The following SCN3A variants were observed in gnomAD, a reference collection of about 807,000 sequenced individuals.
SCN3A encodes the protein sodium voltage-gated channel alpha subunit 3.
SCN3A carries 60 observed loss-of-function variants against 187.6 expected under a neutral mutation model. The ratio of observed to expected loss-of-function variants is 0.32; its 90% CI spans 0.26 to 0.40. The LOEUF (loss-of-function observed/expected upper bound fraction) is 0.40, where lower values mean the gene tolerates loss of function less well. SCN3A is among the 10% of genes least tolerant of loss of function. The probability of loss-of-function intolerance (pLI) is 1.00; values close to 1 mark genes in which losing one functional copy is unlikely to be tolerated. For synonymous variants in SCN3A, 788 were observed against 829.2 expected (o/e 0.95, Z 0.85); for missense variants, 1,601 against 2,428.2 (o/e 0.66, Z 7.16).
rs1235846089 is a variant in SCN3A at position 165,089,716 on chromosome 2, C to T, written c.*434G>A. On this transcript the variant is annotated 3_prime_UTR_variant, in exon 28 of 28. Transcript: ENST00000283254. Reference sequence around the variant, plus strand: ...GTTTCTTCAACGTAAACCTCATTTACAAAAATAGTGACATAGCATTATGAA... The same window carrying T: ...GTTTCTTCAACGTAAACCTCATTTATAAAAATAGTGACATAGCATTATGAA... The T allele has an allele frequency of 6.2e-6, 1 of 162,338 alleles. No homozygotes were observed. The highest frequency in any genetic ancestry group is 2.4e-5 in the African/African-American group (1 of 41,454). The allele number at this position is 162,338 out of a possible 1,614,324, so 10.1% of individuals were successfully genotyped here.
Position 165,088,483 on chromosome 2 carries a change from T to TTGGTA in SCN3A, c.*1666_*1667insTACCA, listed in dbSNP as rs1684936642. 1 of 152,466 alleles carries TTGGTA rather than the reference T, an allele frequency of 6.6e-6. No individual in the cohort carries two copies. The highest frequency in any genetic ancestry group is 2.1e-4 in the South Asian group (1 of 4,822). The allele number at this position is 152,466 out of a possible 1,614,324, so 9.4% of individuals were successfully genotyped here. A position where few individuals can be genotyped will look rare whatever the true frequency, so the allele number is the denominator to read the frequency against. ...AACATCTATGAATAAAAGGTTATAT[T>TTGGTA]GAGGCAACCATAGTTGGTAGAAAAT... is the stretch of plus-strand genomic sequence containing the variant. On this transcript the variant is annotated 3_prime_UTR_variant, in exon 28 of 28. Coordinates refer to ENST00000283254, the MANE Select transcript of SCN3A (RefSeq NM_006922.4).
At chr2:165,146,537 A>G (rs528394598) in intron 12 of SCN3A, among the ~76,000 whole-genome samples, 1 of 150,138 alleles carries the variant, frequency 6.7e-6, no homozygotes, top group African/African-American at 2.4e-5. Flanking sequence ...AATCAGTCTC[A>G]AAATGGTGAA....
intron 1 of SCN3A, among the ~76,000 whole-genome samples, chr2:165,200,432 T>A (rs547586866): frequency 2.0e-5 from 3 of 152,178 alleles, no homozygotes; most frequent in Admixed American, 2.0e-4. Context: ...AAGTGTTAAT[T>A]TCTTGGTGAA....
chr2:165,106,864 G>C (rs1685887436), intron 21 of SCN3A, among the ~76,000 whole-genome samples: 1 of 152,200 alleles, frequency 6.6e-6, no homozygotes, highest in Non-Finnish European at 1.5e-5. Context: ...CTGGAGGCAG[G>C]AACATTTAGT....
intron 2 of SCN3A, among the ~76,000 whole-genome samples, chr2:165,180,802 G>C (rs143687096): frequency 1.3e-5 from 2 of 152,244 alleles, no homozygotes; most frequent in East Asian, 3.9e-4. Context: ...TGGAAAGATG[G>C]TGGCAGTATG....
intron 1 of SCN3A, 111 bp from the exon 2 acceptor site, chr2:165,186,858 C>G (rs939726080): frequency 2.0e-5 from 3 of 151,674 alleles, no homozygotes; most frequent in Non-Finnish European, 4.4e-5. Context: ...GGCCCTGGAT[C>G]GAGAAAGCAA....
At chr2:165,130,523 A>G in intron 16 of SCN3A, 1 of 550,106 alleles carries the variant, frequency 1.8e-6, no homozygotes, top group Non-Finnish European at 3.2e-6. Context: ...CATTTCAGAA[A>G]TAATAAATAA....
chr2:165,164,905 A>AT (rs1208055680), intron 5 of SCN3A, among the ~76,000 whole-genome samples: 2 of 152,124 alleles, frequency 1.3e-5, no homozygotes, highest in Non-Finnish European at 2.9e-5. Flanking sequence ...AAGTCAACGT[A>AT]TTTTTTATAC....
At chr2:165,160,735 C>A (rs62174943) in intron 9 of SCN3A, among the ~76,000 whole-genome samples, 1 of 151,686 alleles carries the variant, frequency 6.6e-6, no homozygotes, top group Non-Finnish European at 1.5e-5. Context: ...CCATCTTTCA[C>A]GTTTAAGAGA....
chr2:165,184,432 G>T, intron 2 of SCN3A, among the ~76,000 whole-genome samples: 1 of 146,114 alleles, frequency 6.8e-6, no homozygotes, highest in East Asian at 2.1e-4. Flanking sequence ...AAGCTTAGGT[G>T]CAGGTAGACT....
intron 14 of SCN3A, among the ~76,000 whole-genome samples, chr2:165,138,805 A>T (rs1250891904): frequency 6.6e-6 from 1 of 152,216 alleles, no homozygotes; most frequent in Admixed American, 6.6e-5. Context: ...TCTAAAGAAC[A>T]TATGTTAGAA....
At chr2:165,112,296 A>G (rs756612733) in intron 21 of SCN3A, among the ~76,000 whole-genome samples, 5 of 152,214 alleles carry the variant, frequency 3.3e-5, no homozygotes, top group Admixed American at 6.5e-5. Flanking sequence ...GATTCAGAAC[A>G]GACCTACACC....
chr2:165,090,464 G>A lies in SCN3A; in HGVS notation c.5689C>T (p.Arg1897Cys), dbSNP rs781506035. 2.9e-5 allele frequency: 47 copies of A among 1,613,834 alleles called. No homozygotes were observed. The highest frequency in any genetic ancestry group is 4.5e-5 in the East Asian group (2 of 44,890). Residue 1897 changes from arginine to cysteine, a missense_variant, in exon 28 of 28, where the codon CGT (arginine) becomes TGT (cysteine). Arg to Cys is a radical substitution (Grantham distance 180). Coordinates refer to ENST00000283254, the MANE Select transcript of SCN3A (RefSeq NM_006922.4). This position sits in a 1 kb window ranked among gnomAD's most constrained non-coding sequence, Gnocchi z 4.0. ...SYEPITTTLK[R>C]KQEEVSAAII... is the part of the protein sequence containing the mutation. ...GCGGCAGACACCTCCTCTTGTTTAC[G>A]TTTCAAAGTGGTTGTAATAGGCTCA...
intron 24 of SCN3A, 115 bp downstream of exon 24, chr2:165,096,352 A>G: frequency 1.3e-6 from 1 of 768,840 alleles, no homozygotes; most frequent in Middle Eastern, 3.7e-4. Context: ...TTCATTTTTT[A>G]TATGCAATAT....
intron 15 of SCN3A, among the ~76,000 whole-genome samples, chr2:165,135,294 C>G (rs899872625): frequency 6.6e-6 from 1 of 151,996 alleles, no homozygotes; most frequent in South Asian, 2.1e-4. Context: ...TTCAAGGTCT[C>G]TTGATACTCA....
Position 165,090,959 on chromosome 2 carries a change from G to C in SCN3A, c.5194C>G (p.His1732Asp). 2.5e-6 allele frequency: 4 copies of C among 1,614,134 alleles called. No homozygotes were observed. The highest frequency in any genetic ancestry group is 3.4e-6 in the Non-Finnish European group (4 of 1,180,016). The change falls in exon 28 of 28, where the codon CAC (histidine) becomes GAC (aspartate). Residue 1732 changes from histidine to aspartate, a missense_variant. By Grantham distance (81) the His-to-Asp change is moderately conservative. This residue lies in a region of SCN3A where 320 missense variants were observed against 623.2 expected (regional missense o/e 0.51). Coordinates refer to ENST00000283254, the MANE Select transcript of SCN3A (RefSeq NM_006922.4). The surrounding 1 kb of genome is among the most constrained non-coding windows in gnomAD (Gnocchi z 4.0). ...APPDCDPDTI[H>D]PGSSVKGDCG... ...TCTCCCTTAACTGAGCTGCCAGGGTGAATTGTGTCAGGGTCACAGTCGGGT... is the reference window on the plus strand; with the variant it reads ...TCTCCCTTAACTGAGCTGCCAGGGTCAATTGTGTCAGGGTCACAGTCGGGT...
At chr2:165,164,147 A>G (rs969442617) in intron 6 of SCN3A, among the ~76,000 whole-genome samples, 1 of 152,216 alleles carries the variant, frequency 6.6e-6, no homozygotes, top group African/African-American at 2.4e-5. Flanking sequence ...AATTGTAGTC[A>G]ATGAATAACT....
intron 24 of SCN3A, among the ~76,000 whole-genome samples, chr2:165,095,993 C>T (rs528765439): frequency 3.9e-5 from 6 of 152,208 alleles, no homozygotes; most frequent in East Asian, 1.9e-4. Flanking sequence ...TTTGGAAATA[C>T]GGCTTTAAGA....
chr2:165,129,045 T>C (rs1195416153), intron 17 of SCN3A, among the ~76,000 whole-genome samples: 1 of 152,204 alleles, frequency 6.6e-6, no homozygotes, highest in Non-Finnish European at 1.5e-5. Flanking sequence ...GCTTCCTTAC[T>C]TCTGTATCAG....
Sources: gnomAD v4.1 joint callset for allele counts (sites outside exome capture counted in the v4.1 genomes callset) on GRCh38, gnomAD v4.1.1 for gene constraint, gnomAD v4.1.1 regional missense constraint, Gnocchi (gnomAD v3.1) non-coding constraint, MANE v1.5 for transcripts, NCBI Gene and HGNC (gene_info 2026-07-23, HGNC 2026-07-21) for gene names.